The following HELZ2 variants were observed in gnomAD, a reference collection of about 807,000 sequenced individuals.
The protein encoded by HELZ2 is 3'-5' exoribonuclease HELZ2.
Under a neutral mutation model 208.8 loss-of-function variants are expected in HELZ2, and 143 were observed. The observed-to-expected ratio is 0.68, with a 90% CI of 0.60 to 0.79. The LOEUF is 0.79. Ranked by LOEUF, HELZ2 falls within the 30% of genes least tolerant of loss-of-function variation. The pLI, the probability that HELZ2 is intolerant of heterozygous loss-of-function variation, is 0.00. For missense variants in HELZ2, 3,690 were observed against 3,794.5 expected (o/e 0.97, Z 0.72); for synonymous variants, 1,705 against 1,693.7 (o/e 1.01, Z -0.16).
At chr20:63,562,637 G>A in exon 8 of HELZ2, 1 of 1,593,082 alleles carries the variant, frequency 6.3e-7, no homozygotes, top group Non-Finnish European at 8.5e-7. Context: ...CCGTCTGGGA[G>A]CCTCCTGCCG....
chr20:63,565,441 C>T (rs1252999001), exon 8 of HELZ2: 2 of 1,610,168 alleles, frequency 1.2e-6, no homozygotes, highest in Non-Finnish European at 8.5e-7. Flanking sequence ...GGCGGTACCG[C>T]TCGGGCTCCG....
intron 3 of HELZ2, 149 bp from the exon 5 acceptor site, chr20:63,569,814 C>T (rs1028577976): frequency 1.1e-6 from 1 of 930,472 alleles, no homozygotes; most frequent in Non-Finnish European, 1.6e-6. Context: ...CGGCCTCTGC[C>T]ATCCTCAGTT....
exon 6 of HELZ2, chr20:63,567,546 C>A: frequency 6.3e-7 from 1 of 1,577,214 alleles, no homozygotes; most frequent in Non-Finnish European, 8.6e-7. Context: ...GGTCCGTGTA[C>A]ATCACACGGA....
exon 19 of HELZ2, chr20:63,559,286 C>A (rs751878297): frequency 2.5e-6 from 4 of 1,591,122 alleles, no homozygotes; most frequent in Non-Finnish European, 2.6e-6. Flanking sequence ...GCGCACCTGG[C>A]CGGCAGGCAC....
chr20:63,566,079 C>A, exon 8 of HELZ2: 2 of 1,586,146 alleles, frequency 1.3e-6, no homozygotes, highest in Admixed American at 1.7e-5. Context: ...AGGGCCACGG[C>A]GTCCCCCACT....
chr20:63,563,527 C>A, exon 8 of HELZ2: 1 of 1,511,944 alleles, frequency 6.6e-7, no homozygotes, highest in Non-Finnish European at 8.8e-7. Flanking sequence ...AGGGGTCAGG[C>A]AGCGTCTCCC....
chr20:63,566,412 G>A (rs2082957767), exon 7 of HELZ2: 3 of 1,548,424 alleles, frequency 1.9e-6, no homozygotes, highest in Non-Finnish European at 8.7e-7. Context: ...CAGACACCTG[G>A]CCTAGGTCCC....
intron 6 of HELZ2, among the ~76,000 whole-genome samples, 165 bp downstream of exon 7, chr20:63,566,679 C>CGGGGATGAGCGCAGGGCG (rs1600979046): frequency 6.6e-6 from 1 of 151,710 alleles, no homozygotes; most frequent in African/African-American, 2.4e-5. Flanking sequence ...CCACCAAGCT[C>CGGGGATGAGCGCAGGGCG]CAGACACCTC....
exon 17 of HELZ2, chr20:63,560,262 C>A: frequency 6.4e-7 from 1 of 1,563,054 alleles, no homozygotes; most frequent in African/African-American, 1.4e-5. Context: ...CGTTGTAGGG[C>A]GTGAGGACGG....
intron 1 of HELZ2, 150 bp downstream of exon 2, chr20:63,571,958 A>G (rs1482277577): frequency 9.1e-5 from 65 of 713,898 alleles, no homozygotes; most frequent in Middle Eastern, 8.7e-4. Context: ...GGCTCTGCCT[A>G]CGGTGGGCTC....
chr20:63,569,459 G>C lies in HELZ2; in HGVS notation c.777C>G (p.Arg259=), dbSNP rs766435842. ...CCAGCTTTTGTAGCAGCACCGGCCG[G>C]CGGCCAAAGTCGAAGACCACCCATT... Residue 259 remains arginine (R), a synonymous_variant, in exon 4 of 19, where the codon CGC becomes CGG. Transcript: ENST00000467148. 3 of 1,609,990 alleles carry C rather than the reference G, an allele frequency of 1.9e-6. No homozygotes were observed. The Admixed American group carries it at 5.0e-5, about 27-fold the overall frequency.
exon 8 of HELZ2, chr20:63,564,022 G>C (rs1227400941): frequency 6.2e-7 from 1 of 1,605,196 alleles, no homozygotes; most frequent in Admixed American, 1.7e-5. Flanking sequence ...TCCAGAGGGA[G>C]GCCAGGAGGT....
rs185241820 is a variant in HELZ2, at chr20:63,559,384, A to T, written c.7826-14T>A. ...GGAGGTGGTCTCCTGTGAGGGTGGG[A>T]GTCAGATGGGAGTCAGTCAGGGTCA... On this transcript the variant is annotated splice_polypyrimidine_tract_variant and intron_variant, in intron 18 of 18. Transcript: ENST00000467148. 32 of 1,576,752 alleles carry T rather than the reference A, an allele frequency of 2.0e-5. No individual in the cohort carries two copies. In the South Asian group the frequency reaches 2.4e-4, roughly 12 times the overall value.
intron 1 of HELZ2, chr20:63,571,254 C>A (rs1231714937): frequency 1.1e-5 from 3 of 268,708 alleles, no homozygotes; most frequent in South Asian, 4.8e-5. Context: ...GTGGTGGGCT[C>A]CTGCCCCGCT....
chr20:63,562,075 G>T, exon 10 of HELZ2: 1 of 1,608,624 alleles, frequency 6.2e-7, no homozygotes, highest in South Asian at 1.1e-5. Flanking sequence ...GCCCTACCTG[G>T]TGGGCCCTGA....
chr20:63,570,394 G>A (rs535086527), intron 3 of HELZ2, 110 bp downstream of exon 4: 94 of 853,726 alleles, frequency 1.1e-4, no homozygotes, highest in South Asian at 5.8e-4. Context: ...GGTGCTGAGC[G>A]GCAGTGCCTC....
chr20:63,569,177 C>G, exon 4 of HELZ2: 1 of 1,550,526 alleles, frequency 6.4e-7, no homozygotes, highest in Non-Finnish European at 8.7e-7. Flanking sequence ...GAGCCGCCTC[C>G]TCCTCATAGA....
At chr20:63,562,425 G>A (rs745540724) in intron 8 of HELZ2, 43 bp from the exon 10 acceptor site, 20 of 1,545,586 alleles carry the variant, frequency 1.3e-5, no homozygotes, top group Non-Finnish European at 1.7e-5. Context: ...AGGACTCCCA[G>A]GAAAGGGGCT....
rs1373380455 is a variant in HELZ2 at position 63,565,303 on chromosome 20, C to G, written c.3519G>C (p.Leu1173=). Reference sequence around the variant, plus strand: ...CCTTGTCTCCCGAAAGGAGCTGCACCAGCACCTCATCCCCGGCGAAGGCCA... The same window carrying G: ...CCTTGTCTCCCGAAAGGAGCTGCACGAGCACCTCATCCCCGGCGAAGGCCA... Residue 1173 remains leucine, a synonymous_variant, in exon 8 of 19, where the codon CTG becomes CTC. Transcript: ENST00000467148. 4 of 1,606,146 alleles carry G rather than the reference C, an allele frequency of 2.5e-6. No homozygotes were observed. In the East Asian group the frequency reaches 9.0e-5, roughly 36 times the overall value.
Sources: gnomAD v4.1 joint callset for allele counts (sites outside exome capture counted in the v4.1 genomes callset) on GRCh38, gnomAD v4.1.1 for gene constraint, MANE v1.5 for transcripts, NCBI Gene and HGNC (gene_info 2026-07-23, HGNC 2026-07-21) for gene names.